The following LINGO1 variants were observed in gnomAD, a reference collection of about 807,000 sequenced individuals.
The protein encoded by LINGO1 is leucine-rich repeat and immunoglobulin-like domain-containing nogo receptor-interacting protein 1.
A neutral mutation model predicts 37.3 loss-of-function variants in LINGO1; 11 were observed. The observed-to-expected ratio is 0.29, with a 90% CI of 0.19 to 0.49. The LOEUF (loss-of-function observed/expected upper bound fraction) is 0.49. LINGO1 is among the 20% of genes least tolerant of loss of function. The pLI, the probability that LINGO1 is intolerant of heterozygous loss-of-function variation, is 0.99. For synonymous variants in LINGO1, 387 were observed against 403.0 expected (o/e 0.96, Z 0.48); for missense variants, 585 against 878.2 (o/e 0.67, Z 4.22).
chr15:77,783,550 G>A (rs2076741708), intron 1 of LINGO1, among the ~76,000 whole-genome samples: 1 of 152,158 alleles, frequency 6.6e-6, no homozygotes, highest in Non-Finnish European at 1.5e-5. Context: ...TCATGAAGCA[G>A]CTACAAGGAA....
At chr15:77,805,921 T>C (rs369702805) in intron 1 of LINGO1, among the ~76,000 whole-genome samples, 6 of 152,170 alleles carry the variant, frequency 3.9e-5, no homozygotes, top group Non-Finnish European at 8.8e-5. Context: ...TGGTCTTCCA[T>C]GTACCCCCTC....
At chr15:77,636,546 G>A (rs2074399950), upstream of LINGO1, among the ~76,000 whole-genome samples, 2 of 151,990 alleles carry the variant, frequency 1.3e-5, no homozygotes, top group South Asian at 4.2e-4. Context: ...CAGCTGGGGG[G>A]CCCTGTGGAG....
intron 1 of LINGO1, among the ~76,000 whole-genome samples, chr15:77,756,268 T>C (rs1053679927): frequency 6.6e-6 from 1 of 152,194 alleles, no homozygotes; most frequent in Non-Finnish European, 1.5e-5. Flanking sequence ...TTTACAGTTA[T>C]GGAGCCCATA....
At chr15:77,716,306 G>T (rs577039209) in intron 2 of LINGO1, among the ~76,000 whole-genome samples, 1 of 131,754 alleles carries the variant, frequency 7.6e-6, no homozygotes, top group African/African-American at 2.8e-5. Flanking sequence ...TTTGAGACAG[G>T]GTCTCACTCT....
intron 2 of LINGO1, among the ~76,000 whole-genome samples, chr15:77,716,610 A>G (rs1306505554): frequency 6.7e-6 from 1 of 150,260 alleles, no homozygotes; most frequent in South Asian, 2.2e-4. Context: ...CATACACAAC[A>G]TGAGTGAAGA....
chr15:77,815,040 TG>T (rs1373532080), intron 1 of LINGO1, among the ~76,000 whole-genome samples: 4 of 152,350 alleles, frequency 2.6e-5, no homozygotes, highest in Non-Finnish European at 5.9e-5. Context: ...CTGGGCCACC[TG>T]CCAAGGCCCA....
chr15:77,819,177 G>GCGCCGCGC (rs372088592), intron 1 of LINGO1: 14,048 of 148,392 alleles, frequency 0.095, 710 homozygotes, highest in Middle Eastern at 0.13. Context: ...GAGGCCGCGC[G>GCGCCGCGC]CGCCGCGCCG....
chr15:77,677,992 A>G (rs1214725213), intron 2 of LINGO1, among the ~76,000 whole-genome samples: 1 of 151,954 alleles, frequency 6.6e-6, no homozygotes, highest in Non-Finnish European at 1.5e-5. Flanking sequence ...TCCCCTCCAG[A>G]CCACACAGCC....
chr15:77,689,736 C>T (rs1032510658), intron 2 of LINGO1, among the ~76,000 whole-genome samples: 2 of 152,188 alleles, frequency 1.3e-5, no homozygotes, highest in African/African-American at 4.8e-5. Flanking sequence ...GCCCTGCCCT[C>T]AATACAGCTC....
chr15:77,686,063 G>C (rs2075505031), intron 2 of LINGO1, among the ~76,000 whole-genome samples: 1 of 152,162 alleles, frequency 6.6e-6, no homozygotes, highest in Non-Finnish European at 1.5e-5. Context: ...AGGGCAATGG[G>C]TGTGAGTGCC....
chr15:77,798,610 C>T (rs566576309), intron 1 of LINGO1, among the ~76,000 whole-genome samples: 9 of 152,346 alleles, frequency 5.9e-5, no homozygotes, highest in Non-Finnish European at 1.2e-4. Context: ...CAGTGGGAGC[C>T]GGGCACTCTC....
intron 1 of LINGO1, among the ~76,000 whole-genome samples, chr15:77,622,631 G>C (rs1231154219): frequency 6.6e-6 from 1 of 152,200 alleles, no homozygotes; most frequent in Non-Finnish European, 1.5e-5. Context: ...CAGTATGCGG[G>C]ATCCGTTTCA....
intron 1 of LINGO1, among the ~76,000 whole-genome samples, chr15:77,774,029 C>T (rs2076612069): frequency 6.6e-6 from 1 of 152,086 alleles, no homozygotes; most frequent in South Asian, 2.1e-4. Flanking sequence ...CATGGGGAGC[C>T]CCTACCCACC....
chr15:77,748,855 C>CTTATTTATTTATTTAT (rs71145856), intron 1 of LINGO1, among the ~76,000 whole-genome samples: 5 of 128,776 alleles, frequency 3.9e-5, no homozygotes, highest in African/African-American at 6.3e-5. Context: ...GGCCCCTAGC[C>CTTATTTATTTATTTAT]TTATTTATTT....
At chr15:77,650,490 C>G (rs528078479) in intron 3 of LINGO1, among the ~76,000 whole-genome samples, 1 of 152,256 alleles carries the variant, frequency 6.6e-6, no homozygotes, top group South Asian at 2.1e-4. Context: ...GCAGCCTGGA[C>G]CCCACAGGTT....
Position 77,748,128 on chromosome 15 carries a change from G to C in LINGO1, c.-256-13075C>G, listed in dbSNP as rs971280586. 1.3e-4 allele frequency among the ~76,000 whole-genome samples: 20 copies of C among 152,350 alleles called. 1 individual carries two copies. The highest frequency in any genetic ancestry group is 4.6e-4 in the African/African-American group (19 of 41,580). ...ACCCTCTCCAGTGGGTTAAGACTCTGGCCACACCAACAGCCCTGCTGGGCC... is the reference window on the plus strand; with the variant it reads ...ACCCTCTCCAGTGGGTTAAGACTCTCGCCACACCAACAGCCCTGCTGGGCC... On this transcript the variant is annotated intron_variant, in intron 1 of 3. Transcript: ENST00000561686.
chr15:77,614,911 G>A lies in LINGO1; in HGVS notation c.996C>T (p.Arg332=), dbSNP rs368266948. The A allele has an allele frequency of 6.2e-6, 10 of 1,613,816 alleles. No homozygotes were observed. Among genetic ancestry groups the A allele is most frequent in the Middle Eastern group, 1.6e-4 (1 of 6,080 alleles). The change falls in exon 2 of 2, where the codon CGC becomes CGT. Residue 332 remains arginine, a synonymous_variant. Transcript: ENST00000355300. ...TGAGCACGCGCAGGTAGTTGAGGCC[G>A]CGGAAGGCATAGGGCTCCACCACGG... ...QLAVVEPYAF[R]GLNYLRVLNV... is the part of the protein sequence containing the mutation.
intron 2 of LINGO1, among the ~76,000 whole-genome samples, chr15:77,795,746 C>T (rs1419859968): frequency 1.3e-5 from 2 of 152,248 alleles, no homozygotes; most frequent in Non-Finnish European, 2.9e-5. Context: ...GAACGCCCCA[C>T]GCTTCCAAGC....
chr15:77,731,251 T>C (rs1327421407), intron 2 of LINGO1, among the ~76,000 whole-genome samples: 2 of 152,072 alleles, frequency 1.3e-5, no homozygotes, highest in African/African-American at 2.4e-5. Context: ...GTGCCAATAC[T>C]GTAGGAGGTG....
Sources: allele counts gnomAD v4.1 joint callset (sites outside exome capture counted in the v4.1 genomes callset), GRCh38; gene constraint gnomAD v4.1.1; transcripts MANE v1.5; gene names NCBI Gene and HGNC (gene_info 2026-07-23, HGNC 2026-07-21).